CCNI: variants seen among roughly 807,000 people sequenced by gnomAD.
CCNI encodes cyclin I, also known as cyclin-I.
CCNI carries 14 observed loss-of-function variants against 34.1 expected under a neutral mutation model. That is an observed-to-expected ratio of 0.41 (90% CI 0.27 to 0.64). The LOEUF (loss-of-function observed/expected upper bound fraction) is 0.64. Among genes scored for constraint, CCNI ranks in the 30% least tolerant of loss-of-function variants. CCNI has a pLI of 0.31. For missense variants in CCNI, 385 were observed against 440.5 expected, an observed-to-expected ratio of 0.87 and a Z score of 1.13; for synonymous variants, 154 against 158.4, an observed-to-expected ratio of 0.97 and a Z score of 0.21.
At chr4:77,051,291 C>G (rs1017309927) in intron 6 of CCNI, among the ~76,000 whole-genome samples, 4 of 152,094 alleles carry the variant, frequency 2.6e-5, no homozygotes, top group African/African-American at 9.7e-5. Context: ...TATTTATTGG[C>G]CTAAAAAGGT....
intron 6 of CCNI, among the ~76,000 whole-genome samples, chr4:77,052,035 T>A (rs968551584): frequency 3.3e-5 from 5 of 151,892 alleles, no homozygotes; most frequent in African/African-American, 1.2e-4. Context: ...TATTGCATGA[T>A]GCTGAGGTTT....
intron 1 of CCNI, among the ~76,000 whole-genome samples, chr4:77,068,091 T>G (rs1408528274): frequency 2.0e-5 from 3 of 151,970 alleles, no homozygotes; most frequent in Non-Finnish European, 4.4e-5. Context: ...GGCAGGAAAA[T>G]CGCTTTAACC....
At chr4:77,051,401 G>A (rs1376055458) in intron 6 of CCNI, among the ~76,000 whole-genome samples, 3 of 152,188 alleles carry the variant, frequency 2.0e-5, no homozygotes, top group East Asian at 1.9e-4. Flanking sequence ...ATGTATTTAA[G>A]TAAGAGGAAG....
intron 3 of CCNI, 164 bp from the exon 4 acceptor site, chr4:77,056,487 C>G (rs1728238447): frequency 3.3e-6 from 2 of 598,216 alleles, no homozygotes. Context: ...TAGATCAGAG[C>G]TAACTTTAAG....
intron 2 of CCNI, among the ~76,000 whole-genome samples, chr4:77,065,282 C>CA (rs1183211983): frequency 6.6e-6 from 1 of 152,200 alleles, no homozygotes; most frequent in Non-Finnish European, 1.5e-5. Flanking sequence ...GCCATTCATT[C>CA]ACTCATGCAT....
chr4:77,058,801 T>C (rs1014596891), intron 2 of CCNI, among the ~76,000 whole-genome samples, 166 bp from the exon 3 acceptor site: 2 of 148,678 alleles, frequency 1.3e-5, no homozygotes, highest in Non-Finnish European at 2.9e-5. Context: ...TAAAACTTTA[T>C]GTATTATCAC....
At chr4:77,075,435 G>C (rs1441970717) in intron 1 of CCNI, 37 bp downstream of exon 1, 13 of 867,724 alleles carry the variant, frequency 1.5e-5, no homozygotes, top group African/African-American at 1.9e-5. Flanking sequence ...CGGCCGCGGA[G>C]ACGCGTCGAG....
At position 77,047,989 on chromosome 4, in the gene CCNI, A is replaced by G. The variant is rs1727541501; in HGVS notation, c.*230T>C. On this transcript the variant is annotated 3_prime_UTR_variant, in exon 7 of 7. Coordinates refer to ENST00000237654, the MANE Select transcript of CCNI (RefSeq NM_006835.3). ...ACAAAGAGATTTTTTAAGTTTAAAA[A>G]AAGTTTGGATCTTTTGGATTTCTTT... 1 of 388,520 alleles carries G rather than the reference A, an allele frequency of 2.6e-6. No individual in the cohort carries two copies. The highest frequency in any genetic ancestry group is 4.6e-6 in the Non-Finnish European group (1 of 217,374). 24.1% of individuals were successfully genotyped at this position (388,520 alleles called of 1,614,324 possible).
chr4:77,063,677 A>G (rs1485865970), intron 2 of CCNI, among the ~76,000 whole-genome samples: 5 of 150,906 alleles, frequency 3.3e-5, no homozygotes. Flanking sequence ...GCAGCAGAGC[A>G]AGACTCTGTC....
At position 77,048,594 on chromosome 4, in the gene CCNI, G is replaced by A; in HGVS notation, c.759C>T (p.Ser253=). ...AGACATAAACGGAATTCAGAGGCAG[G>A]GAAGACTGCAGAGTAGAAAGGTGAT... The part of the protein sequence containing the change: ...VAHHLSTLQS[S]LPLNSVYVYR... The change falls in exon 7 of 7, where the codon TCC becomes TCT. Residue 253 remains serine, a synonymous_variant. Transcript: ENST00000237654. 1 of 1,606,344 alleles carries A rather than the reference G, an allele frequency of 6.2e-7. No homozygotes were observed. The highest frequency in any genetic ancestry group is 1.1e-5 in the South Asian group (1 of 89,794).
chr4:77,055,439 G>C, intron 5 of CCNI, 59 bp from the exon 6 acceptor site: 20 of 1,028,692 alleles, frequency 1.9e-5, no homozygotes, highest in Non-Finnish European at 2.3e-5. Context: ...ATTACATATA[G>C]AAATTGATGC....
intron 1 of CCNI, among the ~76,000 whole-genome samples, chr4:77,067,166 A>G (rs1031200577): frequency 1.3e-5 from 2 of 152,060 alleles, no homozygotes; most frequent in Admixed American, 6.6e-5. Flanking sequence ...AGGGAGGCAG[A>G]GGTTGCAGTG....
At chr4:77,058,731 C>G (rs1296065717) in intron 2 of CCNI, 96 bp from the exon 3 acceptor site, 4 of 950,914 alleles carry the variant, frequency 4.2e-6, no homozygotes, top group South Asian at 1.7e-5. Flanking sequence ...GGTAATACTA[C>G]AAAATATATT....
At chr4:77,073,469 G>C (rs1003824562) in intron 1 of CCNI, among the ~76,000 whole-genome samples, 1 of 152,144 alleles carries the variant, frequency 6.6e-6, no homozygotes, top group Non-Finnish European at 1.5e-5. Context: ...TCCTGTACTA[G>C]TGCTGACTTC....
chr4:77,072,992 C>A (rs879316319), intron 1 of CCNI, among the ~76,000 whole-genome samples: 3 of 152,090 alleles, frequency 2.0e-5, no homozygotes, highest in Non-Finnish European at 4.4e-5. Flanking sequence ...CTATTTTCTA[C>A]GGGTAAAGCA....
chr4:77,055,657 G>C (rs1279036963), intron 5 of CCNI, among the ~76,000 whole-genome samples: 1 of 152,016 alleles, frequency 6.6e-6, no homozygotes, highest in East Asian at 1.9e-4. Context: ...AGTAGAGACA[G>C]GGTTTCACCA....
At position 77,055,278 on chromosome 4, in the gene CCNI, A is replaced by T; in HGVS notation, c.562T>A (p.Cys188Ser). ...LAVLTKQLLH[C>S]MACNQLLQFR... ...TGCAGAAGTTGGTTGCAGGCCATAC[A>T]GTGAAGTAGTTGCTTGGTAAGGACT... The change falls in exon 6 of 7, where the codon TGT becomes AGT. Residue 188 changes from cysteine to serine, a missense_variant. Cys to Ser is a moderately radical substitution (Grantham distance 112, BLOSUM62 -1). This residue lies in a region of CCNI where 250 missense variants were observed against 248.7 expected (regional missense o/e 1.01). Transcript: ENST00000237654. 1 of 1,614,166 alleles carries T rather than the reference A, an allele frequency of 6.2e-7. No individual in the cohort carries two copies. The highest frequency in any genetic ancestry group is 8.5e-7 in the Non-Finnish European group (1 of 1,179,994).
At chr4:77,058,378 G>C in intron 3 of CCNI, 129 bp downstream of exon 3, 1 of 566,176 alleles carries the variant, frequency 1.8e-6, no homozygotes, top group South Asian at 2.8e-5. Context: ...TCTTCTTATG[G>C]GTACATACAT....
intron 2 of CCNI, among the ~76,000 whole-genome samples, chr4:77,060,442 A>G (rs926523678): frequency 1.3e-5 from 2 of 152,180 alleles, no homozygotes; most frequent in East Asian, 1.9e-4. Context: ...AATCATGACA[A>G]TATCTTTGAA....
Sources: allele counts gnomAD v4.1 joint callset (sites outside exome capture counted in the v4.1 genomes callset), GRCh38; gene constraint gnomAD v4.1.1; regional missense constraint gnomAD v4.1.1; transcripts MANE v1.5; gene names NCBI Gene and HGNC (gene_info 2026-07-23, HGNC 2026-07-21).